Variants in PFKFB3 observed in about 807,000 individuals in gnomAD.
PFKFB3 encodes the protein 6-phosphofructo-2-kinase/fructose-2,6-bisphosphatase 3.
A neutral mutation model predicts 68.0 loss-of-function variants in PFKFB3; 33 were observed. The ratio of observed to expected loss-of-function variants is 0.49; its 90% CI spans 0.37 to 0.65. The LOEUF is 0.65. Among genes scored for constraint, PFKFB3 ranks in the 30% least tolerant of loss-of-function variants. The pLI, the probability that PFKFB3 is intolerant of heterozygous loss-of-function variation, is 0.00. For synonymous variants in PFKFB3, 315 were observed against 288.2 expected, an observed-to-expected ratio of 1.09 and a Z score of -0.94; for missense variants, 586 against 712.2, an observed-to-expected ratio of 0.82 and a Z score of 2.02.
At chr10:6,216,014 G>A (rs1844554463) in intron 3 of PFKFB3, 111 bp from the exon 4 acceptor site, 1 of 1,019,286 alleles carries the variant, frequency 9.8e-7, no homozygotes, top group East Asian at 2.4e-5. Context: ...GCTAAGCAGT[G>A]TAGAATGGAA....
chr10:6,215,439 TGGGCTGCG>T lies in PFKFB3; in HGVS notation c.299+133_299+140del, dbSNP rs148095189. 24 of 735,724 alleles carry T rather than the reference TGGGCTGCG, an allele frequency of 3.3e-5. No individual in the cohort carries two copies. Among genetic ancestry groups the T allele is most frequent in the Non-Finnish European group, 4.9e-5 (21 of 425,746 alleles). The allele number at this position is 735,724 out of a possible 1,614,324, so 45.6% of individuals were successfully genotyped here. A position where few individuals can be genotyped will look rare whatever the true frequency, so the allele number is the denominator to read the frequency against. On this transcript the variant is annotated intron_variant, in intron 3 of 14. Transcript: ENST00000379775. The surrounding 1 kb of genome is among the most constrained non-coding windows in gnomAD (Gnocchi z 4.3). ...TAGGGCTGGGCTGTGGGAATAAGGCTGGGCTGCGGGGCTGCGGGTGTAAGGCTGGGCTG... is the reference window on the plus strand; with the variant it reads ...TAGGGCTGGGCTGTGGGAATAAGGCTGGGCTGCGGGTGTAAGGCTGGGCTG...
rs1845931231 is a variant in PFKFB3 at position 6,234,722 on chromosome 10, C to G, written c.*1780C>G. The G allele has an allele frequency of 6.6e-6, 1 of 152,290 alleles. No homozygotes were observed. The highest frequency in any genetic ancestry group is 6.5e-5 in the Admixed American group (1 of 15,276). 9.4% of individuals were successfully genotyped at this position (152,290 alleles called of 1,614,324 possible). A position where few individuals can be genotyped will look rare whatever the true frequency, so the allele number is the denominator to read the frequency against. On this transcript the variant is annotated 3_prime_UTR_variant, in exon 15 of 15. Coordinates refer to ENST00000379775, the MANE Select transcript of PFKFB3 (RefSeq NM_004566.4). ...TCGATTTGACATGGAAGGCCTGTTG[C>G]TTTGCTCTTGAGAATAGTTTCTCGT...
upstream of PFKFB3, among the ~76,000 whole-genome samples, chr10:6,201,947 T>C (rs956234344): frequency 6.6e-6 from 1 of 152,184 alleles, no homozygotes; most frequent in African/African-American, 2.4e-5. The surrounding 1 kb of genome is among the most constrained non-coding windows in gnomAD (Gnocchi z 4.1). Context: ...GGGGCACGCA[T>C]GCACCAAAAA....
Position 6,228,690 on chromosome 10 carries a change from G to C in PFKFB3, c.1515+2325G>C, listed in dbSNP as rs1262085651. Among the ~76,000 whole-genome samples the C allele has an allele frequency of 1.4e-5, 1 of 71,740 alleles. No homozygotes were observed. Among genetic ancestry groups the C allele is most frequent in the African/African-American group, 3.8e-5 (1 of 25,982 alleles). 47.1% of individuals were successfully genotyped at this position (71,740 alleles called of 152,430 possible). On this transcript the variant is annotated intron_variant, in intron 14 of 14. Coordinates refer to ENST00000379775, the MANE Select transcript of PFKFB3 (RefSeq NM_004566.4). The surrounding 1 kb of genome is among the most constrained non-coding windows in gnomAD (Gnocchi z 4.5). ...CTGTAAACCAAACCTATGGGGAATAGTGGGAGTGTGGTGGGGCCTGAGCTC... is the reference window on the plus strand; with the variant it reads ...CTGTAAACCAAACCTATGGGGAATACTGGGAGTGTGGTGGGGCCTGAGCTC...
chr10:6,221,465 C>G lies in PFKFB3; in HGVS notation c.916C>G (p.Gln306Glu). The change falls in exon 9 of 15, where the codon CAG (glutamine) becomes GAG (glutamate). Residue 306 changes from glutamine to glutamate, a missense_variant. Physicochemically the swap from Gln to Glu is conservative, Grantham distance 29. Coordinates refer to ENST00000379775, the MANE Select transcript of PFKFB3 (RefSeq NM_004566.4). ...VWTSQLKSTI[Q>E]TAEALRLPYE... ...GACCAGCCAGCTGAAGAGCACCATCCAGACGGCCGAGGCGCTGCGGCTGCC... is the reference window on the plus strand; with the variant it reads ...GACCAGCCAGCTGAAGAGCACCATCGAGACGGCCGAGGCGCTGCGGCTGCC... The G allele has an allele frequency of 6.2e-7, 1 of 1,613,824 alleles. No homozygotes were observed.
In PFKFB3 at chr10:6,226,385, C is replaced by A. The variant is rs374323935; in HGVS notation, c.1515+20C>A. ...GGACAAGTCAGTGCACTCCCCTTTCCTTCCTGCCTGGGGGACGCATGCCGG... is the reference window on the plus strand; with the variant it reads ...GGACAAGTCAGTGCACTCCCCTTTCATTCCTGCCTGGGGGACGCATGCCGG... On this transcript the variant is annotated intron_variant, in intron 14 of 14. Coordinates refer to ENST00000379775, the MANE Select transcript of PFKFB3 (RefSeq NM_004566.4). The A allele has an allele frequency of 6.3e-7, 1 of 1,586,220 alleles. No individual in the cohort carries two copies. Among genetic ancestry groups the A allele is most frequent in the African/African-American group, 1.4e-5 (1 of 73,756 alleles).
intron 1 of PFKFB3, among the ~76,000 whole-genome samples, chr10:6,208,989 G>A (rs924217121): frequency 2.6e-5 from 4 of 152,182 alleles, no homozygotes; most frequent in South Asian, 2.1e-4. Context: ...AGACAGCCAG[G>A]GCTTAGCCCA....
chr10:6,151,308 C>A (rs1367967461), intron 1 of PFKFB3, among the ~76,000 whole-genome samples: 1 of 151,620 alleles, frequency 6.6e-6, no homozygotes, highest in African/African-American at 2.4e-5. Context: ...CCTGGCACTT[C>A]CGCAAGCAGC....
At chr10:6,269,326 A>G in the PFKFB3 span, among the ~76,000 whole-genome samples, 1 of 151,902 alleles carries the variant, frequency 6.6e-6, no homozygotes, top group Non-Finnish European at 1.5e-5. Context: ...TCAGTGATCT[A>G]GGATGATTTA....
chr10:6,213,983 G>A (rs1449318157), intron 2 of PFKFB3, among the ~76,000 whole-genome samples: 1 of 151,192 alleles, frequency 6.6e-6, no homozygotes, highest in East Asian at 1.9e-4. Context: ...GTCCTGCCCC[G>A]ACTCAGATTT....
chr10:6,230,261 C>G (rs1845654676), intron 14 of PFKFB3, among the ~76,000 whole-genome samples: 1 of 152,118 alleles, frequency 6.6e-6, no homozygotes, highest in Non-Finnish European at 1.5e-5. Context: ...GTGCGTGACC[C>G]CACATCTAGG....
In PFKFB3 at chr10:6,243,559, C is replaced by T. The variant is rs147469548; in HGVS notation, c.1516-10619C>T. Among the ~76,000 whole-genome samples the T allele has an allele frequency of 8.9e-4, 136 of 152,296 alleles. 1 individual carries two copies. Among genetic ancestry groups the T allele is most frequent in the Admixed American group, 2.7e-3 (42 of 15,286 alleles). On this transcript the variant is annotated intron_variant, in intron 14 of 14. Transcript: ENST00000640683. ...CAGTGGAGGCAGCCGCTTCCTGCAACGCTCCCCATAGAGGCTGAGACGTTT... is the reference window on the plus strand; with the variant it reads ...CAGTGGAGGCAGCCGCTTCCTGCAATGCTCCCCATAGAGGCTGAGACGTTT...
chr10:6,274,236 C>G, the PFKFB3 span, among the ~76,000 whole-genome samples: 2 of 152,052 alleles, frequency 1.3e-5, no homozygotes, highest in Non-Finnish European at 2.9e-5. Flanking sequence ...TTGTGTAAGT[C>G]CCTCCATCTG....
chr10:6,202,091 T>A (rs949699216), upstream of PFKFB3, among the ~76,000 whole-genome samples: 1 of 152,250 alleles, frequency 6.6e-6, no homozygotes, highest in African/African-American at 2.4e-5. Flanking sequence ...CTAGTTTTAT[T>A]CATTCTTCTA....
downstream of PFKFB3, among the ~76,000 whole-genome samples, chr10:6,257,382 C>G (rs10906099): frequency 0.013 from 1,975 of 152,272 alleles, 107 homozygotes; most frequent in South Asian, 0.16. Flanking sequence ...TAAACAAGCA[C>G]ACGAGTCATT....
intron 1 of PFKFB3, among the ~76,000 whole-genome samples, chr10:6,161,651 G>C (rs1468877247): frequency 6.6e-6 from 1 of 151,368 alleles, no homozygotes; most frequent in Non-Finnish European, 1.5e-5. Flanking sequence ...GAGAGAGAGA[G>C]AGAGAGAATC....
chr10:6,268,277 G>A, the PFKFB3 span, among the ~76,000 whole-genome samples: 12 of 152,264 alleles, frequency 7.9e-5, no homozygotes, highest in South Asian at 6.2e-4. Flanking sequence ...TGGAGATTGC[G>A]TAGAGGGTTT....
rs1257583842 is a variant in PFKFB3 at position 6,220,615 on chromosome 10, G to A, written c.624-43G>A. On this transcript the variant is annotated intron_variant, in intron 7 of 14. Transcript: ENST00000379775. This position sits in a 1 kb window ranked among gnomAD's most constrained non-coding sequence, Gnocchi z 4.1. Reference sequence around the variant, plus strand: ...GACGGGCCAGGTGCATCCTGCTGTGGGTGGTGGCCTGAGCTGTGGTTCTCG... The same window carrying A: ...GACGGGCCAGGTGCATCCTGCTGTGAGTGGTGGCCTGAGCTGTGGTTCTCG... The A allele has an allele frequency of 1.3e-6, 2 of 1,570,438 alleles. No individual in the cohort carries two copies. The highest frequency in any genetic ancestry group is 2.7e-5 in the African/African-American group (2 of 74,036).
In PFKFB3 at chr10:6,169,323, C is replaced by G. The variant is rs1383085439; in HGVS notation, c.16+24310C>G. Reference sequence around the variant, plus strand: ...GGGAGAGCACATTTTCTGTTCTTTTCTTAGTCTTACGCAGGGAGGATTGTG... The same window carrying G: ...GGGAGAGCACATTTTCTGTTCTTTTGTTAGTCTTACGCAGGGAGGATTGTG... On this transcript the variant is annotated intron_variant, in intron 1 of 14. Coordinates refer to the PFKFB3 transcript ENST00000379789. Among the ~76,000 whole-genome samples, 12 of 152,184 alleles carry G rather than the reference C, an allele frequency of 7.9e-5. 1 individual carries two copies. The highest frequency in any genetic ancestry group is 7.2e-4 in the Admixed American group (11 of 15,278).
Sources: allele counts gnomAD v4.1 joint callset (sites outside exome capture counted in the v4.1 genomes callset), GRCh38; gene constraint gnomAD v4.1.1; non-coding constraint Gnocchi (gnomAD v3.1); transcripts MANE v1.5; gene names NCBI Gene and HGNC (gene_info 2026-07-23, HGNC 2026-07-21).